SLC24A3: variants seen among roughly 807,000 people sequenced by gnomAD.
SLC24A3 encodes sodium/potassium/calcium exchanger 3.
Under a neutral mutation model 75.8 loss-of-function variants are expected in SLC24A3, and 28 were observed. That is an observed-to-expected ratio of 0.37 (90% CI 0.27 to 0.51). SLC24A3 has a LOEUF of 0.51. Ranked by LOEUF, SLC24A3 falls within the 20% of genes least tolerant of loss-of-function variation. The probability of loss-of-function intolerance (pLI) is 0.94; values close to 1 mark genes in which losing one functional copy is unlikely to be tolerated. For synonymous variants in SLC24A3, 372 were observed against 334.1 expected (o/e 1.11, Z -1.24); for missense variants, 663 against 847.8 (o/e 0.78, Z 2.71).
chr20:19,428,113 G>C (rs2122447788), intron 2 of SLC24A3, among the ~76,000 whole-genome samples: 1 of 152,328 alleles, frequency 6.6e-6, no homozygotes, highest in Admixed American at 6.5e-5. Context: ...ACCTTGCACT[G>C]TGTCTCGTGC....
chr20:19,637,842 T>A (rs544604720), intron 6 of SLC24A3, among the ~76,000 whole-genome samples: 6 of 152,214 alleles, frequency 3.9e-5, no homozygotes, highest in Non-Finnish European at 7.3e-5. Context: ...GCTAATGGTA[T>A]GTGACACAGA....
At chr20:19,430,731 C>G (rs930847978) in intron 2 of SLC24A3, among the ~76,000 whole-genome samples, 1 of 152,090 alleles carries the variant, frequency 6.6e-6, no homozygotes, top group Non-Finnish European at 1.5e-5. Flanking sequence ...CATACAGGCC[C>G]ATGCACAAGC....
rs1335534595 is a variant in SLC24A3 at position 19,411,796 on chromosome 20, G to A, written c.272-103692G>A. On this transcript the variant is annotated intron_variant, in intron 2 of 16. Transcript: ENST00000328041. Reference sequence around the variant, plus strand: ...ACCTCTGACGCGTTGATCTCCAGTAGTACATTATAACTTTGGGCATGAGGA... The same window carrying A: ...ACCTCTGACGCGTTGATCTCCAGTAATACATTATAACTTTGGGCATGAGGA... 3.9e-5 allele frequency among the ~76,000 whole-genome samples: 6 copies of A among 152,204 alleles called. No homozygotes were observed. In the East Asian group the frequency reaches 1.2e-3, roughly 29 times the overall value.
chr20:19,573,565 A>G (rs187866387), intron 3 of SLC24A3, among the ~76,000 whole-genome samples: 1 of 152,300 alleles, frequency 6.6e-6, no homozygotes, highest in Non-Finnish European at 1.5e-5. Context: ...TTCCTCACAT[A>G]GTTAGAAATA....
intron 2 of SLC24A3, among the ~76,000 whole-genome samples, chr20:19,423,369 G>C (rs979470094): frequency 1.3e-5 from 2 of 152,170 alleles, no homozygotes; most frequent in Non-Finnish European, 2.9e-5. Context: ...GTGATAAGGG[G>C]CCTTTGCTCG....
intron 1 of SLC24A3, among the ~76,000 whole-genome samples, chr20:19,223,102 G>C (rs1288188689): frequency 6.6e-6 from 1 of 152,128 alleles, no homozygotes; most frequent in East Asian, 1.9e-4. Flanking sequence ...AGATCAGCCT[G>C]TCCAACCTGG....
At chr20:19,325,790 A>G (rs1429337182) in intron 2 of SLC24A3, among the ~76,000 whole-genome samples, 1 of 97,382 alleles carries the variant, frequency 1.0e-5, no homozygotes, top group African/African-American at 3.7e-5. Flanking sequence ...ATATATATAT[A>G]TATATAGAGA....
intron 6 of SLC24A3, among the ~76,000 whole-genome samples, chr20:19,621,939 C>T (rs889124031): frequency 1.3e-5 from 2 of 152,190 alleles, no homozygotes; most frequent in Non-Finnish European, 2.9e-5. Context: ...CTGTCATGCT[C>T]ATCAGCCCCT....
chr20:19,381,070 T>C (rs1986172531), intron 2 of SLC24A3, among the ~76,000 whole-genome samples: 1 of 152,238 alleles, frequency 6.6e-6, no homozygotes. Context: ...AGATGGTAGC[T>C]ATTAGCATAA....
At chr20:19,672,839 A>C (rs2032483953) in intron 8 of SLC24A3, among the ~76,000 whole-genome samples, 1 of 152,184 alleles carries the variant, frequency 6.6e-6, no homozygotes. Flanking sequence ...TGAAAAGAGA[A>C]AAGGAAGGAT....
chr20:19,342,568 C>T (rs1340236902), intron 2 of SLC24A3, among the ~76,000 whole-genome samples: 1 of 152,204 alleles, frequency 6.6e-6, no homozygotes, highest in African/African-American at 2.4e-5. Flanking sequence ...TTTATGACAA[C>T]TGTTTTAGGT....
intron 13 of SLC24A3, chr20:19,696,556 A>G: frequency 2.4e-6 from 1 of 420,354 alleles, no homozygotes; most frequent in Non-Finnish European, 4.2e-6. Flanking sequence ...GAAGAGAACA[A>G]GTGAAAAGGC....
intron 3 of SLC24A3, among the ~76,000 whole-genome samples, chr20:19,545,646 A>G (rs549468280): frequency 6.6e-6 from 1 of 152,238 alleles, no homozygotes; most frequent in African/African-American, 2.4e-5. Flanking sequence ...TCTAATCACA[A>G]GACCACCTGC....
intron 2 of SLC24A3, among the ~76,000 whole-genome samples, chr20:19,383,544 TG>T (rs2122376347): frequency 6.6e-6 from 1 of 152,316 alleles, no homozygotes; most frequent in Admixed American, 6.5e-5. Context: ...TCCTTCTGCC[TG>T]TCGTGCTTGA....
intron 2 of SLC24A3, among the ~76,000 whole-genome samples, chr20:19,506,332 T>C (rs748317085): frequency 2.7e-4 from 41 of 152,374 alleles, no homozygotes; most frequent in Middle Eastern, 6.8e-3. Context: ...GGTTGCATCT[T>C]CCTTCACAGA....
At chr20:19,704,478 A>G (rs1380355564) in intron 15 of SLC24A3, among the ~76,000 whole-genome samples, 1 of 152,214 alleles carries the variant, frequency 6.6e-6, no homozygotes, top group Non-Finnish European at 1.5e-5. Flanking sequence ...AGAAGTGAAC[A>G]AGGTAGACAA....
chr20:19,720,139 C>T (rs979382724), intron 16 of SLC24A3, among the ~76,000 whole-genome samples: 2 of 152,216 alleles, frequency 1.3e-5, no homozygotes, highest in African/African-American at 4.8e-5. Flanking sequence ...AGTGAAATGG[C>T]CTACACCTGG....
intron 6 of SLC24A3, among the ~76,000 whole-genome samples, chr20:19,633,648 CAAAAAAAAAA>C (rs61251598): frequency 2.4e-5 from 2 of 85,106 alleles, no homozygotes; most frequent in African/African-American, 5.0e-5. Context: ...GACTCCGTCT[CAAAAAAAAAA>C]AAAAAAAAAA....
At chr20:19,320,682 C>T (rs958316427) in intron 2 of SLC24A3, among the ~76,000 whole-genome samples, 3 of 152,076 alleles carry the variant, frequency 2.0e-5, no homozygotes, top group East Asian at 1.9e-4. Flanking sequence ...TGCCAAAATC[C>T]GAGGGTGGGT....
Sources: allele counts gnomAD v4.1 joint callset (sites outside exome capture counted in the v4.1 genomes callset), GRCh38; gene constraint gnomAD v4.1.1; transcripts MANE v1.5; gene names NCBI Gene and HGNC (gene_info 2026-07-23, HGNC 2026-07-21).